The following UTS2B variants were observed in gnomAD, a reference collection of about 807,000 sequenced individuals.
UTS2B encodes urotensin 2B, also known as urotensin-2B.
UTS2B carries 21 observed loss-of-function variants against 19.2 expected under a neutral mutation model. The observed-to-expected ratio is 1.09, with a 90% confidence interval of 0.78 to 1.58. UTS2B has a LOEUF of 1.58. Ranked by LOEUF, UTS2B falls within the 40% of genes most tolerant of loss-of-function variation. The probability of loss-of-function intolerance (pLI) is 0.00; values close to 1 mark genes in which losing one functional copy is unlikely to be tolerated. For missense variants in UTS2B, 138 were observed against 130.3 expected (o/e 1.06, Z -0.29); for synonymous variants, 57 against 50.2 (o/e 1.14, Z -0.58).
At position 191,328,702 on chromosome 3, in the gene UTS2B, G is replaced by A. The variant is rs1327066715; in HGVS notation, c.-657C>T. On this transcript the variant is annotated 5_prime_UTR_variant, in exon 2 of 9. Transcript: ENST00000340524. ...TCTGTTGCCAGGAGATGAAACAGGA[G>A]AGGTTGTCTATTTTAGAGAGATAGA... 1.3e-5 allele frequency: 2 copies of A among 152,260 alleles called. No homozygotes were observed. Among genetic ancestry groups the A allele is most frequent in the African/African-American group, 4.8e-5 (2 of 41,444 alleles). The allele number at this position is 152,260 out of a possible 1,614,324, so 9.4% of individuals were successfully genotyped here.
At chr3:191,331,070 A>G (rs1717966722), upstream of UTS2B, among the ~76,000 whole-genome samples, 2 of 152,206 alleles carry the variant, frequency 1.3e-5, no homozygotes, top group Non-Finnish European at 2.9e-5. Flanking sequence ...AGGCGGATCC[A>G]TACTTTTGAG....
intron 3 of UTS2B, among the ~76,000 whole-genome samples, chr3:191,306,936 G>A (rs191675748): frequency 6.6e-6 from 1 of 152,270 alleles, no homozygotes; most frequent in East Asian, 1.9e-4. Flanking sequence ...CCAGCCAGGA[G>A]GGGAAATTTT....
intron 4 of UTS2B, among the ~76,000 whole-genome samples, chr3:191,303,969 C>CT (rs374828258): frequency 1.4e-3 from 203 of 146,552 alleles, no homozygotes; most frequent in African/African-American, 4.1e-3. Context: ...TGCCTGGTGG[C>CT]TTTTTTTTTT....
chr3:191,332,022 A>G (rs986419128), upstream of UTS2B, among the ~76,000 whole-genome samples: 1 of 152,182 alleles, frequency 6.6e-6, no homozygotes, highest in Admixed American at 6.5e-5. Flanking sequence ...TGCAGTTACA[A>G]TTTATATTCA....
chr3:191,326,447 G>C (rs995356753), intron 2 of UTS2B, among the ~76,000 whole-genome samples: 1 of 151,698 alleles, frequency 6.6e-6, no homozygotes, highest in Non-Finnish European at 1.5e-5. Context: ...GCATTTTATT[G>C]TTACCAAATT....
At chr3:191,327,297 A>C (rs544706395) in intron 2 of UTS2B, among the ~76,000 whole-genome samples, 1 of 152,186 alleles carries the variant, frequency 6.6e-6, no homozygotes, top group Non-Finnish European at 1.5e-5. Flanking sequence ...GGAGTTCCAG[A>C]CCAGCCTGGC....
intron 4 of UTS2B, among the ~76,000 whole-genome samples, chr3:191,302,186 G>A (rs564158229): frequency 6.6e-6 from 1 of 152,288 alleles, no homozygotes; most frequent in African/African-American, 2.4e-5. Context: ...CCCATTGTAA[G>A]CTAATTGTAA....
intron 4 of UTS2B, among the ~76,000 whole-genome samples, chr3:191,300,764 G>T (rs1393066469): frequency 6.6e-6 from 1 of 152,190 alleles, no homozygotes; most frequent in Non-Finnish European, 1.5e-5. Flanking sequence ...TTGTTTAAAA[G>T]TGTGTGGCAA....
intron 2 of UTS2B, among the ~76,000 whole-genome samples, chr3:191,319,494 C>T (rs116813465): frequency 0.011 from 1,669 of 152,196 alleles, 29 homozygotes; most frequent in African/African-American, 0.037. Context: ...AACTTAGTTG[C>T]TTCTCTAAAT....
At chr3:191,284,578 T>G (rs768876924) in intron 4 of UTS2B, among the ~76,000 whole-genome samples, 1 of 150,610 alleles carries the variant, frequency 6.6e-6, no homozygotes, top group Non-Finnish European at 1.5e-5. Flanking sequence ...CACCTCAGCC[T>G]CCCAAAGAGC....
rs188569778 is a variant in UTS2B, at chr3:191,285,744, C to T, written c.-124-3431G>A. On this transcript the variant is annotated intron_variant, in intron 4 of 8. Transcript: ENST00000340524. ...GTGAAACCCTGTCTCTACCAAAACA[C>T]AAAAATTAGCTGGGTGTGGTGGTGT... 1.2e-4 allele frequency among the ~76,000 whole-genome samples: 18 copies of T among 151,996 alleles called. 2 individuals carry two copies. The highest frequency in any genetic ancestry group is 1.2e-3 in the Admixed American group (18 of 15,264).
At chr3:191,309,732 C>T (rs866984990) in intron 3 of UTS2B, among the ~76,000 whole-genome samples, 3 of 152,090 alleles carry the variant, frequency 2.0e-5, no homozygotes, top group Middle Eastern at 3.4e-3. Flanking sequence ...TCTGGTAATA[C>T]GAAAGCATGT....
At chr3:191,336,679 C>G in the UTS2B span, among the ~76,000 whole-genome samples, 1 of 152,072 alleles carries the variant, frequency 6.6e-6, no homozygotes, top group African/African-American at 2.4e-5. Flanking sequence ...AGCTAAATCT[C>G]TTAGAGATGG....
the UTS2B span, among the ~76,000 whole-genome samples, chr3:191,338,140 A>T: frequency 3.9e-5 from 6 of 152,170 alleles, no homozygotes; most frequent in African/African-American, 1.4e-4. Flanking sequence ...TTATAAGGAT[A>T]TCTTTCCCTC....
At position 191,303,963 on chromosome 3, in the gene UTS2B, T is replaced by C. The variant is rs557750894; in HGVS notation, c.-125+529A>G. ...ATATATTGCAGAAGAAAGAATTGCCTGGTGGCTTTTTTTTTTTCTTTTCTG... is the reference window on the plus strand; with the variant it reads ...ATATATTGCAGAAGAAAGAATTGCCCGGTGGCTTTTTTTTTTTCTTTTCTG... On this transcript the variant is annotated intron_variant, in intron 4 of 8. Coordinates refer to ENST00000340524, the MANE Select transcript of UTS2B (RefSeq NM_198152.5). Among the ~76,000 whole-genome samples, 9 of 151,938 alleles carry C rather than the reference T, an allele frequency of 5.9e-5. No individual in the cohort carries two copies. In the East Asian group the frequency reaches 1.5e-3, roughly 26 times the overall value.
chr3:191,336,759 C>T, the UTS2B span, among the ~76,000 whole-genome samples: 1 of 152,118 alleles, frequency 6.6e-6, no homozygotes, highest in Non-Finnish European at 1.5e-5. Context: ...TGGAAAATTA[C>T]AGAATGAGTA....
chr3:191,294,897 G>A (rs543508912), intron 4 of UTS2B, among the ~76,000 whole-genome samples: 1 of 151,834 alleles, frequency 6.6e-6, no homozygotes, highest in African/African-American at 2.4e-5. Context: ...CGGGCATGTT[G>A]GCAGGCGCCT....
chr3:191,290,776 A>G (rs1716691388), intron 4 of UTS2B, among the ~76,000 whole-genome samples: 2 of 152,256 alleles, frequency 1.3e-5, no homozygotes, highest in African/African-American at 4.8e-5. Flanking sequence ...GGGAACAGAT[A>G]GCTTTAAGAT....
intron 8 of UTS2B, among the ~76,000 whole-genome samples, chr3:191,271,200 CAAAAAAAAAAAAAAAA>C (rs66756396): frequency 1.9e-5 from 1 of 52,742 alleles, no homozygotes; most frequent in Admixed American, 2.4e-4. Flanking sequence ...GAGACTCTCT[CAAAAAAAAAAAAAAAA>C]AAAAAAAAAA....
Sources: gnomAD v4.1 joint callset for allele counts (sites outside exome capture counted in the v4.1 genomes callset) on GRCh38, gnomAD v4.1.1 for gene constraint, MANE v1.5 for transcripts, NCBI Gene and HGNC (gene_info 2026-07-23, HGNC 2026-07-21) for gene names.